MYL3: variants seen among roughly 807,000 people sequenced by gnomAD.
The protein encoded by MYL3 is myosin light chain 3.
A neutral mutation model predicts 21.3 loss-of-function variants in MYL3; 11 were observed. The observed-to-expected ratio is 0.52, with a 90% CI of 0.32 to 0.85. The LOEUF is 0.85. Among genes scored for constraint, MYL3 ranks in the 40% least tolerant of loss-of-function variants. The pLI is 0.03. For missense variants in MYL3, 206 were observed against 253.3 expected (o/e 0.81, Z 1.27); for synonymous variants, 88 against 91.6 (o/e 0.96, Z 0.22).
upstream of MYL3, among the ~76,000 whole-genome samples, chr3:46,863,913 A>G (rs965754510): frequency 6.6e-6 from 1 of 151,858 alleles, no homozygotes; most frequent in African/African-American, 2.4e-5. Context: ...GACCGTGTCC[A>G]TGTGGGGGAA....
At position 46,869,246 on chromosome 3, in the gene MYL3, A is replaced by G. The variant is rs565156593; in HGVS notation, c.-217-2646T>C. 5.3e-5 allele frequency among the ~76,000 whole-genome samples: 8 copies of G among 152,302 alleles called. No individual in the cohort carries two copies. The South Asian group carries it at 1.0e-3, about 20-fold the overall frequency. ...AAATATTTATTGTCCTTGGAAGAAA[A>G]AAAAAGACTCCCCTTTTAGGATCGG... On this transcript the variant is annotated intron_variant, in intron 1 of 3. Coordinates refer to the MYL3 transcript ENST00000431168.
Position 46,860,800 on chromosome 3 carries a change from G to A in MYL3, c.183C>T (p.Phe61=), listed in dbSNP as rs368118534. The A allele has an allele frequency of 6.8e-6, 11 of 1,613,934 alleles. No homozygotes were observed. The highest frequency in any genetic ancestry group is 3.3e-5 in the South Asian group (3 of 91,070). ...IEEFKEAFML[F]DRTPKCEMKI... is the part of the protein sequence containing the mutation. Reference sequence around the variant, plus strand: ...TCATCTCACACTTGGGTGTGCGGTCGAACAGCATGAAGGCTTCCTTGAACT... The same window carrying A: ...TCATCTCACACTTGGGTGTGCGGTCAAACAGCATGAAGGCTTCCTTGAACT... The change falls in exon 3 of 7, where the codon TTC becomes TTT. Residue 61 remains phenylalanine, a synonymous_variant. Coordinates refer to ENST00000292327, the MANE Select transcript of MYL3 (RefSeq NM_000258.3). The surrounding 1 kb of genome is among the most constrained non-coding windows in gnomAD (Gnocchi z 4.6).
rs2030090601 is a variant in MYL3 at position 46,874,745 on chromosome 3, A to C, written c.-218+7329T>G. 6.6e-6 allele frequency among the ~76,000 whole-genome samples: 1 copy of C among 152,094 alleles called. No individual in the cohort carries two copies. Among genetic ancestry groups the C allele is most frequent in the African/African-American group, 2.4e-5 (1 of 41,406 alleles). On this transcript the variant is annotated intron_variant, in intron 1 of 3. Transcript: ENST00000431168. The surrounding 1 kb of genome is among the most constrained non-coding windows in gnomAD (Gnocchi z 4.1). The stretch of plus-strand genomic sequence containing the variant: ...GGCACAGACCCCCCCCCACACACAC[A>C]ATAGGGACGCACTAGGCTTCTGGGG...
upstream of MYL3, among the ~76,000 whole-genome samples, chr3:46,867,636 G>T (rs73833658): frequency 6.6e-6 from 1 of 152,340 alleles, no homozygotes; most frequent in Admixed American, 6.5e-5. Flanking sequence ...CGCAGTCTCC[G>T]CAGGCAGCCA....
rs1394109444 is a variant in MYL3, at chr3:46,874,579, C to T, written c.-218+7495G>A. ...CCCAGCCGGCCTCTGGAACGCGTGC[C>T]CGGGACCTCGGTGATATTTTGAGTT... is the stretch of plus-strand genomic sequence containing the variant. On this transcript the variant is annotated intron_variant, in intron 1 of 3. Transcript: ENST00000431168. The surrounding 1 kb of genome is among the most constrained non-coding windows in gnomAD (Gnocchi z 4.1). 6.6e-6 allele frequency among the ~76,000 whole-genome samples: 1 copy of T among 152,194 alleles called. No homozygotes were observed. The highest frequency in any genetic ancestry group is 6.5e-5 in the Admixed American group (1 of 15,274).
upstream of MYL3, among the ~76,000 whole-genome samples, chr3:46,868,436 G>C (rs1053617285): frequency 6.6e-6 from 1 of 152,226 alleles, no homozygotes; most frequent in Non-Finnish European, 1.5e-5. Flanking sequence ...CCACTGTGCT[G>C]ACGGGGACCA....
chr3:46,868,932 C>T (rs1333782174), intron 1 of MYL3, among the ~76,000 whole-genome samples: 3 of 152,164 alleles, frequency 2.0e-5, no homozygotes, highest in African/African-American at 7.2e-5. Flanking sequence ...TTTGTGGGAG[C>T]TCTGGATGGG....
Position 46,860,695 on chromosome 3 carries a change from C to T in MYL3, c.288G>A (p.Leu96=). The T allele has an allele frequency of 6.2e-7, 1 of 1,614,050 alleles. No homozygotes were observed. Among genetic ancestry groups the T allele is most frequent in the South Asian group, 1.1e-5 (1 of 91,084 alleles). Reference sequence around the variant, plus strand: ...CACTACCTTCCTGTCTTGGCTTCCCCAGGACACGGAGCACTTCTGCCTGTG... The same window carrying T: ...CACTACCTTCCTGTCTTGGCTTCCCTAGGACACGGAGCACTTCTGCCTGTG... ...NPTQAEVLRV[L]GKPRQEELNT... The change falls in exon 3 of 7, where the codon CTG becomes CTA. Residue 96 remains leucine (L), a synonymous_variant. Coordinates refer to ENST00000292327, the MANE Select transcript of MYL3 (RefSeq NM_000258.3). The surrounding 1 kb of genome is among the most constrained non-coding windows in gnomAD (Gnocchi z 4.6).
Position 46,874,020 on chromosome 3 carries a change from G to A in MYL3, c.-217-7420C>T, listed in dbSNP as rs1050573323. Among the ~76,000 whole-genome samples the A allele has an allele frequency of 3.3e-5, 5 of 152,168 alleles. No individual in the cohort carries two copies. The highest frequency in any genetic ancestry group is 7.4e-5 in the Non-Finnish European group (5 of 68,026). On this transcript the variant is annotated intron_variant, in intron 1 of 3. Transcript: ENST00000431168. The surrounding 1 kb of genome is among the most constrained non-coding windows in gnomAD (Gnocchi z 4.1). ...CACCTGTGCCCAGTGAGAGCCCTTC[G>A]GCCTCTTCCAAAGAGGCTCACCTCA...
At chr3:46,875,461 G>A (rs1452012360) in intron 1 of MYL3, among the ~76,000 whole-genome samples, 1 of 152,234 alleles carries the variant, frequency 6.6e-6, no homozygotes, top group Non-Finnish European at 1.5e-5. Context: ...GGACACAGCA[G>A]TCTCAGCCTT....
intron 1 of MYL3, among the ~76,000 whole-genome samples, chr3:46,868,769 T>TG (rs1307649780): frequency 4.6e-5 from 7 of 152,298 alleles, no homozygotes; most frequent in Admixed American, 2.6e-4. Flanking sequence ...GGGCCTGGAC[T>TG]GGGGGACCTC....
intron 1 of MYL3, among the ~76,000 whole-genome samples, chr3:46,871,453 C>T (rs1056956232): frequency 2.6e-5 from 4 of 152,086 alleles, no homozygotes; most frequent in African/African-American, 7.2e-5. Context: ...CAGATAAGGA[C>T]GGGGTCAGAG....
At chr3:46,868,281 TG>T (rs1702068297), upstream of MYL3, among the ~76,000 whole-genome samples, 2 of 152,184 alleles carry the variant, frequency 1.3e-5, no homozygotes. Context: ...ACCTGTACCA[TG>T]GCCATGGGTG....
Position 46,858,287 on chromosome 3 carries a change from AGAGT to A in MYL3, c.560-19_560-16del. 1.2e-6 allele frequency: 2 copies of A among 1,614,106 alleles called. No individual in the cohort carries two copies. Among genetic ancestry groups the A allele is most frequent in the Non-Finnish European group, 1.7e-6 (2 of 1,180,010 alleles). On this transcript the variant is annotated splice_polypyrimidine_tract_variant and intron_variant, in intron 5 of 6. Coordinates refer to ENST00000292327, the MANE Select transcript of MYL3 (RefSeq NM_000258.3). ...CTTCACAAATGCTGGAAAGAAGAGGAGAGTGAGTGGCAGGAGTGCAACATGGGGA... is the reference window on the plus strand; with the variant it reads ...CTTCACAAATGCTGGAAAGAAGAGGAGAGTGGCAGGAGTGCAACATGGGGA...
chr3:46,859,925 C>T lies in MYL3; in HGVS notation c.308-277G>A, dbSNP rs920490639. On this transcript the variant is annotated intron_variant, in intron 3 of 6. Coordinates refer to ENST00000292327, the MANE Select transcript of MYL3 (RefSeq NM_000258.3). The surrounding 1 kb of genome is among the most constrained non-coding windows in gnomAD (Gnocchi z 4.1). ...CACCACGGAGGGCTCTGTCCAGAAC[C>T]CCTTGCCTACTTTTGGGAAACAGTC... 1.3e-5 allele frequency among the ~76,000 whole-genome samples: 2 copies of T among 152,142 alleles called. No individual in the cohort carries two copies. The highest frequency in any genetic ancestry group is 4.8e-5 in the African/African-American group (2 of 41,436).
At position 46,859,388 on chromosome 3, in the gene MYL3, A is replaced by G. The variant is rs904196714; in HGVS notation, c.481+87T>C. ...TTATGTAACTCTCTCCATTTCACCA[A>G]TGGGTCACAGGCCTGGGGGGCAACA... On this transcript the variant is annotated intron_variant, in intron 4 of 6. Coordinates refer to ENST00000292327, the MANE Select transcript of MYL3 (RefSeq NM_000258.3). The surrounding 1 kb of genome is among the most constrained non-coding windows in gnomAD (Gnocchi z 4.1). The G allele has an allele frequency of 1.3e-6, 2 of 1,549,362 alleles. No individual in the cohort carries two copies. Among genetic ancestry groups the G allele is most frequent in the Non-Finnish European group, 1.8e-6 (2 of 1,125,954 alleles).
chr3:46,872,345 T>G (rs1056653627), intron 1 of MYL3, among the ~76,000 whole-genome samples: 1 of 152,086 alleles, frequency 6.6e-6, no homozygotes, highest in Non-Finnish European at 1.5e-5. Context: ...AGCCCATCCA[T>G]CCAAAGGGAG....
Position 46,863,439 on chromosome 3 carries a change from C to T in MYL3, c.-49G>A, listed in dbSNP as rs754532112. 1.9e-6 allele frequency: 3 copies of T among 1,606,974 alleles called. No homozygotes were observed. The South Asian group carries it at 3.3e-5, about 18-fold the overall frequency. On this transcript the variant is annotated 5_prime_UTR_variant, in exon 1 of 7. Coordinates refer to ENST00000292327, the MANE Select transcript of MYL3 (RefSeq NM_000258.3). ...GATGTGGAGAGAAGAATGCAGAAAGCAGGGTAGGTGAGCCGCCTCACCCAG... is the reference window on the plus strand; with the variant it reads ...GATGTGGAGAGAAGAATGCAGAAAGTAGGGTAGGTGAGCCGCCTCACCCAG...
chr3:46,859,590 G>A lies in MYL3; in HGVS notation c.366C>T (p.Ser122=). ...CATAGGTGCCTGTGTCCTTGTTCTTGGAAATGTGCTGGAGCATAGGCAGGA... is the reference window on the plus strand; with the variant it reads ...CATAGGTGCCTGTGTCCTTGTTCTTAGAAATGTGCTGGAGCATAGGCAGGA... ...ETFLPMLQHI[S]KNKDTGTYED... is the part of the protein sequence containing the mutation. Residue 122 remains serine, a synonymous_variant, in exon 4 of 7, where the codon TCC becomes TCT. Transcript: ENST00000292327. The surrounding 1 kb of genome is among the most constrained non-coding windows in gnomAD (Gnocchi z 4.1). 1 of 1,614,192 alleles carries A rather than the reference G, an allele frequency of 6.2e-7. No homozygotes were observed. Among genetic ancestry groups the A allele is most frequent in the Non-Finnish European group, 8.5e-7 (1 of 1,180,042 alleles).
Sources: gnomAD v4.1 joint callset for allele counts (sites outside exome capture counted in the v4.1 genomes callset) on GRCh38, gnomAD v4.1.1 for gene constraint, Gnocchi (gnomAD v3.1) non-coding constraint, MANE v1.5 for transcripts, NCBI Gene and HGNC (gene_info 2026-07-23, HGNC 2026-07-21) for gene names.